Variants in GRM5 observed in about 807,000 individuals in gnomAD.
The protein encoded by GRM5 is metabotropic glutamate receptor 5.
Under a neutral mutation model 83.1 loss-of-function variants are expected in GRM5, and 19 were observed. The ratio of observed to expected loss-of-function variants is 0.23; its 90% CI spans 0.16 to 0.34. The LOEUF is 0.34. GRM5 is among the 10% of genes least tolerant of loss of function. The pLI, the probability that GRM5 is intolerant of heterozygous loss-of-function variation, is 1.00. For missense variants in GRM5, 1,160 were observed against 1,588.3 expected (o/e 0.73, Z 4.58); for synonymous variants, 675 against 633.6 (o/e 1.07, Z -0.98).
chr11:88,860,786 T>G (rs1301180647), intron 2 of GRM5, among the ~76,000 whole-genome samples: 2 of 152,176 alleles, frequency 1.3e-5, no homozygotes, highest in East Asian at 3.9e-4. Flanking sequence ...TGTAGTATAA[T>G]GGCTGCACTG....
intron 3 of GRM5, among the ~76,000 whole-genome samples, chr11:88,750,555 G>A (rs976241502): frequency 6.6e-6 from 1 of 152,070 alleles, no homozygotes; most frequent in African/African-American, 2.4e-5. Flanking sequence ...AGATATGCAG[G>A]ATCTAAACTT....
At chr11:89,035,929 G>A (rs1400609388) in intron 2 of GRM5, among the ~76,000 whole-genome samples, 2 of 151,852 alleles carry the variant, frequency 1.3e-5, no homozygotes, top group African/African-American at 2.4e-5. Flanking sequence ...TTCTAATAAC[G>A]AAGTTTCTAG....
intron 4 of GRM5, among the ~76,000 whole-genome samples, chr11:88,622,996 G>C (rs1052065915): frequency 6.6e-6 from 1 of 152,054 alleles, no homozygotes; most frequent in Admixed American, 6.6e-5. Context: ...GATTGTATAG[G>C]GAAAGTGTGG....
intron 2 of GRM5, among the ~76,000 whole-genome samples, chr11:89,016,424 A>G (rs902165983): frequency 6.6e-6 from 1 of 151,938 alleles, no homozygotes; most frequent in African/African-American, 2.4e-5. Flanking sequence ...TTATATAAGG[A>G]CTTTGAATAA....
rs1941134866 is a variant in GRM5 at position 88,504,646 on chromosome 11, G to A, written c.*3946C>T. The A allele has an allele frequency of 6.6e-6, 1 of 151,860 alleles. No homozygotes were observed. Among genetic ancestry groups the A allele is most frequent in the African/African-American group, 2.4e-5 (1 of 41,346 alleles). The allele number at this position is 151,860 out of a possible 1,614,324, so 9.4% of individuals were successfully genotyped here. The stretch of plus-strand genomic sequence containing the variant: ...CAAACACCAAGTACAACATGATTTA[G>A]ACAACTGAGAAACAGGCAAGTATAT... On this transcript the variant is annotated 3_prime_UTR_variant, in exon 10 of 10. Transcript: ENST00000305447.
chr11:89,017,010 A>C (rs1386792283), intron 2 of GRM5, among the ~76,000 whole-genome samples: 1 of 152,194 alleles, frequency 6.6e-6, no homozygotes, highest in Non-Finnish European at 1.5e-5. Flanking sequence ...ATTAACACCA[A>C]GAAGCTTTCT....
intron 2 of GRM5, among the ~76,000 whole-genome samples, chr11:88,938,125 G>A (rs527334299): frequency 1.1e-4 from 17 of 151,664 alleles, no homozygotes; most frequent in Non-Finnish European, 2.1e-4. Context: ...ATTTCACAAT[G>A]TGTACATATA....
intron 2 of GRM5, among the ~76,000 whole-genome samples, chr11:89,013,697 C>A (rs536612784): frequency 6.6e-6 from 1 of 152,300 alleles, no homozygotes; most frequent in Admixed American, 6.5e-5. Flanking sequence ...CAACTCCCTG[C>A]TCATTATTAG....
chr11:89,040,280 AATC>A (rs1941498882), intron 2 of GRM5, among the ~76,000 whole-genome samples: 2 of 152,338 alleles, frequency 1.3e-5, no homozygotes, highest in South Asian at 2.1e-4. Context: ...GCATTAATGT[AATC>A]ATCATATTTT....
intron 2 of GRM5, among the ~76,000 whole-genome samples, chr11:88,966,396 A>C (rs912001862): frequency 6.9e-6 from 1 of 145,624 alleles, no homozygotes; most frequent in Non-Finnish European, 1.5e-5. Context: ...AAAAACAGAA[A>C]AGCAGTTTAA....
At chr11:88,658,040 A>G (rs1162936480) in intron 3 of GRM5, among the ~76,000 whole-genome samples, 1 of 152,128 alleles carries the variant, frequency 6.6e-6, no homozygotes, top group Non-Finnish European at 1.5e-5. Flanking sequence ...TCCTGTTCGG[A>G]ACCTGGCTGC....
chr11:88,670,651 A>T (rs940025096), intron 3 of GRM5, among the ~76,000 whole-genome samples: 1 of 152,112 alleles, frequency 6.6e-6, no homozygotes, highest in African/African-American at 2.4e-5. Flanking sequence ...GGAAGCTTGA[A>T]CACTTCACAC....
chr11:88,655,250 A>G (rs1350044309), intron 3 of GRM5, among the ~76,000 whole-genome samples: 1 of 152,046 alleles, frequency 6.6e-6, no homozygotes, highest in Non-Finnish European at 1.5e-5. Context: ...TTTAAAGCTG[A>G]CAAGTTGAAA....
chr11:89,033,983 T>C (rs1186411771), intron 2 of GRM5, among the ~76,000 whole-genome samples: 1 of 151,830 alleles, frequency 6.6e-6, no homozygotes, highest in African/African-American at 2.4e-5. Context: ...AAATGTAGCA[T>C]GGTTAAAATA....
chr11:88,535,519 C>T (rs1336061084), intron 8 of GRM5, among the ~76,000 whole-genome samples: 6 of 152,124 alleles, frequency 3.9e-5, no homozygotes, highest in Non-Finnish European at 7.4e-5. Context: ...GGTCCTTGAG[C>T]CATTGTGTCC....
intron 3 of GRM5, among the ~76,000 whole-genome samples, chr11:88,728,487 C>T (rs566516674): frequency 2.0e-5 from 3 of 151,992 alleles, no homozygotes; most frequent in African/African-American, 7.3e-5. Context: ...CTATTCCAAA[C>T]AATAGAAAAA....
chr11:89,047,376 T>C lies in GRM5; in HGVS notation c.497A>G (p.Asn166Ser). ...TGCTGAGTAAGCAATCTGAGGTATG[T>C]TGAAAAGCTGGAGCAAATTCTGGAC... ...IQVQNLLQLF[N>S]IPQIAYSATS... Residue 166 changes from asparagine (N) to serine (S), a missense_variant, in exon 2 of 10, where the codon AAC (asparagine) becomes AGC (serine). Transcript: ENST00000305447. The surrounding 1 kb of genome is among the most constrained non-coding windows in gnomAD (Gnocchi z 5.1). The C allele has an allele frequency of 6.2e-7, 1 of 1,614,120 alleles. No individual in the cohort carries two copies. The highest frequency in any genetic ancestry group is 8.5e-7 in the Non-Finnish European group (1 of 1,180,000).
At chr11:89,038,290 T>C (rs1359720091) in intron 2 of GRM5, among the ~76,000 whole-genome samples, 2 of 152,162 alleles carry the variant, frequency 1.3e-5, no homozygotes, top group Non-Finnish European at 2.9e-5. Flanking sequence ...AATTCAACAT[T>C]TGAATGTTTG....
intron 3 of GRM5, among the ~76,000 whole-genome samples, chr11:88,668,983 A>G (rs2135329235): frequency 6.6e-6 from 1 of 152,294 alleles, no homozygotes; most frequent in South Asian, 2.1e-4. Flanking sequence ...TGGTGCAACC[A>G]CTATGGAAAA....
Sources: allele counts gnomAD v4.1 joint callset (sites outside exome capture counted in the v4.1 genomes callset), GRCh38; gene constraint gnomAD v4.1.1; non-coding constraint Gnocchi (gnomAD v3.1); transcripts MANE v1.5; gene names NCBI Gene and HGNC (gene_info 2026-07-23, HGNC 2026-07-21).